Variants in ENOSF1 observed in about 807,000 individuals in gnomAD.
The protein encoded by ENOSF1 is enolase superfamily member 1.
In ENOSF1, 73 loss-of-function variants were observed where a neutral mutation model predicts 68.2. The observed-to-expected ratio is 1.07, with a 90% CI of 0.89 to 1.30. The LOEUF is 1.30. Ranked by LOEUF, ENOSF1 falls within the 50% of genes most tolerant of loss-of-function variation. ENOSF1 has a pLI of 0.00. For missense variants in ENOSF1, 589 were observed against 554.5 expected, an observed-to-expected ratio of 1.06 and a Z score of -0.62; for synonymous variants, 223 against 210.4, an observed-to-expected ratio of 1.06 and a Z score of -0.52.
At chr18:668,038 A>T (rs2853527), downstream of ENOSF1, among the ~76,000 whole-genome samples, 51,680 of 137,754 alleles carry the variant, frequency 0.38, 10,712 homozygotes, top group East Asian at 0.66. Context: ...CCCTGGACAC[A>T]CTACCCAGTT....
At chr18:694,038 C>G (rs376154288) in intron 4 of ENOSF1, 130 bp from the exon 5 acceptor site, 1 of 1,092,584 alleles carries the variant, frequency 9.2e-7, no homozygotes, top group Admixed American at 2.2e-5. Flanking sequence ...TCTACTGCTG[C>G]CTGCGCCTTC....
At chr18:684,566 T>A (rs1390167663) in intron 10 of ENOSF1, among the ~76,000 whole-genome samples, 1 of 152,062 alleles carries the variant, frequency 6.6e-6, no homozygotes, top group Non-Finnish European at 1.5e-5. Flanking sequence ...GCAGTTCATA[T>A]TAACCCATTT....
rs1158475141 is a variant in ENOSF1 at position 670,670 on chromosome 18, T to G, written c.*3635A>C. ...TCTTTCAAACCACCATCCCTCCTTA[T>G]CTTCCTCTGCTGGTTCCTCAGATCT... On this transcript the variant is annotated 3_prime_UTR_variant, in exon 16 of 16. Coordinates refer to ENST00000647584, the MANE Select transcript of ENOSF1 (RefSeq NM_017512.7). 6.2e-7 allele frequency: 1 copy of G among 1,612,260 alleles called. No individual in the cohort carries two copies. Among genetic ancestry groups the G allele is most frequent in the Admixed American group, 1.7e-5 (1 of 59,822 alleles).
At chr18:697,782 A>G (rs2077901137) in intron 2 of ENOSF1, among the ~76,000 whole-genome samples, 1 of 152,018 alleles carries the variant, frequency 6.6e-6, no homozygotes, top group Admixed American at 6.6e-5. Context: ...ATTGCATCAA[A>G]TATGTTTTCT....
At chr18:692,778 T>A in intron 5 of ENOSF1, 1 of 1,004,502 alleles carries the variant, frequency 1.0e-6, no homozygotes. Context: ...ACCTTGAATC[T>A]AGAAGGGGGC....
chr18:701,169 T>C (rs1419652394), intron 2 of ENOSF1, among the ~76,000 whole-genome samples: 1 of 152,166 alleles, frequency 6.6e-6, no homozygotes, highest in Admixed American at 6.6e-5. Context: ...ATTTAAAAAT[T>C]CTTTCTTTGT....
chr18:693,320 C>A, intron 5 of ENOSF1: 1 of 1,223,184 alleles, frequency 8.2e-7, no homozygotes, highest in Non-Finnish European at 1.0e-6. Flanking sequence ...TGGATAGTAT[C>A]TTTTCTTTTT....
chr18:692,165 C>T (rs1165769954), intron 5 of ENOSF1: 5 of 152,224 alleles, frequency 3.3e-5, no homozygotes, highest in African/African-American at 4.8e-5. Context: ...GGCGGGGCCT[C>T]GTGCTGAGAC....
At chr18:695,633 C>T (rs566499606) in intron 3 of ENOSF1, among the ~76,000 whole-genome samples, 158 of 152,180 alleles carry the variant, frequency 1.0e-3, no homozygotes, top group Non-Finnish European at 1.8e-3. Flanking sequence ...AAAGTACAGA[C>T]GGGGGTCTCA....
Position 671,384 on chromosome 18 carries a change from G to A in ENOSF1, c.*2921C>T, listed in dbSNP as rs1448674651. On this transcript the variant is annotated 3_prime_UTR_variant, in exon 16 of 16. Coordinates refer to ENST00000647584, the MANE Select transcript of ENOSF1 (RefSeq NM_017512.7). The stretch of plus-strand genomic sequence containing the variant: ...CTTTCTCCCCCGGGTTTATAGCCAG[G>A]TGACTTTATACACACTTTGGGAGAT... The A allele has an allele frequency of 6.2e-7, 1 of 1,609,288 alleles. No homozygotes were observed. Among genetic ancestry groups the A allele is most frequent in the Admixed American group, 1.7e-5 (1 of 59,968 alleles).
At chr18:678,252 T>C in intron 12 of ENOSF1, 1 of 282,440 alleles carries the variant, frequency 3.5e-6, no homozygotes, top group Admixed American at 4.9e-5. Context: ...GCAGTATTGC[T>C]CCTTTTGCCG....
At chr18:693,297 G>A (rs1439494259) in intron 5 of ENOSF1, 13 of 1,258,266 alleles carry the variant, frequency 1.0e-5, no homozygotes, top group Non-Finnish European at 1.3e-5. Flanking sequence ...CTTATTCTTG[G>A]TGTCAAAGTG....
At chr18:693,270 G>C in intron 5 of ENOSF1, 1 of 1,282,930 alleles carries the variant, frequency 7.8e-7, no homozygotes. Flanking sequence ...GTACAGTAGA[G>C]GCTACAATGG....
chr18:703,269 A>T (rs1189383672), intron 2 of ENOSF1, among the ~76,000 whole-genome samples: 3 of 152,152 alleles, frequency 2.0e-5, no homozygotes, highest in Non-Finnish European at 4.4e-5. Context: ...CACTGAGCTC[A>T]GCACCCATCC....
chr18:677,923 C>T (rs370740637), intron 12 of ENOSF1, 51 bp from the exon 13 acceptor site: 1 of 1,585,938 alleles, frequency 6.3e-7, no homozygotes, highest in Middle Eastern at 1.7e-4. Flanking sequence ...CCTTGGCCTT[C>T]AGGATCTCTA....
rs1311564654 is a variant in ENOSF1 at position 674,402 on chromosome 18, G to C, written c.1235C>G (p.Pro412Arg). Residue 412 changes from proline to arginine, a missense_variant, in exon 16 of 16, where the codon CCC (proline) becomes CGC (arginine). Physicochemically the swap from Pro to Arg is moderately radical, Grantham distance 103 (BLOSUM62 -2). Coordinates refer to ENST00000647584, the MANE Select transcript of ENOSF1 (RefSeq NM_017512.7). The stretch of plus-strand genomic sequence containing the variant: ...CTCCTTCATTTCTGTTGAGTAGCCG[G>C]GATCCTATCAAAGACCAAAAAAATG... ...QRASYMPPKDPGYSTEMKEES... is the reference protein window; with the variant it reads ...QRASYMPPKDRGYSTEMKEES... 2 of 1,606,968 alleles carry C rather than the reference G, an allele frequency of 1.2e-6. No homozygotes were observed. Among genetic ancestry groups the C allele is most frequent in the African/African-American group, 2.7e-5 (2 of 74,276 alleles).
Position 712,506 on chromosome 18 carries a change from T to C in ENOSF1, c.82A>G (p.Met28Val), listed in dbSNP as rs892400712. The C allele has an allele frequency of 2.6e-6, 4 of 1,537,764 alleles. No individual in the cohort carries two copies. The highest frequency in any genetic ancestry group is 1.8e-4 in the Middle Eastern group (1 of 5,436). The change falls in exon 1 of 16, where the codon ATG becomes GTG. Residue 28 changes from methionine (M) to valine (V), a missense_variant and splice_region_variant. By Grantham distance (21) the Met-to-Val change is conservative (BLOSUM62 1). Transcript: ENST00000647584. The stretch of plus-strand genomic sequence containing the variant: ...CTTACCATGGCGTCCGCGCTTACCA[T>C]GGCGTCCGCGCCGTGGCCCCCAAGC... ...TSLGGHGADA[M>V]HTDPDYSAAY...
chr18:667,143 TGATGGTGATGGTGATGGA>T (rs1567990084), downstream of ENOSF1, among the ~76,000 whole-genome samples: 17 of 68,702 alleles, frequency 2.5e-4, 1 homozygote, highest in African/African-American at 9.9e-5. Flanking sequence ...ATGGTGATGG[TGATGGTGATGGTGATGGA>T]GATGGTGATG....
chr18:686,043 G>T (rs1401272975), intron 9 of ENOSF1, 35 bp from the exon 10 acceptor site: 3 of 1,514,128 alleles, frequency 2.0e-6, no homozygotes, highest in South Asian at 2.2e-5. Context: ...GTTTAGACCT[G>T]TACCTGGACT....
Sources: gnomAD v4.1 joint callset for allele counts (sites outside exome capture counted in the v4.1 genomes callset) on GRCh38, gnomAD v4.1.1 for gene constraint, MANE v1.5 for transcripts, NCBI Gene and HGNC (gene_info 2026-07-23, HGNC 2026-07-21) for gene names.